The following NCK2 variants were observed in gnomAD, a reference collection of about 807,000 sequenced individuals.
The protein encoded by NCK2 is cytoplasmic protein NCK2.
NCK2 carries 16 observed loss-of-function variants against 33.9 expected under a neutral mutation model. That is an observed-to-expected ratio of 0.47 (90% CI 0.32 to 0.72). The LOEUF is 0.72. NCK2 is among the 30% of genes least tolerant of loss of function. NCK2 has a pLI of 0.03. For missense variants in NCK2, 418 were observed against 537.3 expected, an observed-to-expected ratio of 0.78 and a Z score of 2.19; for synonymous variants, 273 against 239.9, an observed-to-expected ratio of 1.14 and a Z score of -1.27.
chr2:105,748,994 C>T (rs1689372437), intron 1 of NCK2, among the ~76,000 whole-genome samples: 1 of 152,098 alleles, frequency 6.6e-6, no homozygotes, highest in African/African-American at 2.4e-5. Flanking sequence ...CTGTTGGCCT[C>T]TCTATTTGGC....
At position 105,806,955 on chromosome 2, in the gene NCK2, T is replaced by G. The variant is rs1216521642; in HGVS notation, c.-200-9475T>G. 1.3e-5 allele frequency among the ~76,000 whole-genome samples: 2 copies of G among 152,214 alleles called. 1 individual carries two copies. Among genetic ancestry groups the G allele is most frequent in the South Asian group, 4.1e-4 (2 of 4,832 alleles). On this transcript the variant is annotated intron_variant, in intron 1 of 4. Transcript: ENST00000233154. ...GCCCGTGGTCATGGGGTGATCTTAG[T>G]CTTTCTTAGCCCATCCCTTTGTCTA...
intron 4 of NCK2, among the ~76,000 whole-genome samples, chr2:105,884,085 T>G (rs1678619579): frequency 6.6e-6 from 1 of 152,040 alleles, no homozygotes; most frequent in African/African-American, 2.4e-5. Flanking sequence ...GCAAGAGCCC[T>G]GAGGTGTGTG....
chr2:105,836,766 A>G (rs1164900466), intron 2 of NCK2, among the ~76,000 whole-genome samples: 1 of 152,158 alleles, frequency 6.6e-6, no homozygotes, highest in Non-Finnish European at 1.5e-5. Flanking sequence ...AGATGTTGAC[A>G]GGACCCCAGG....
intron 1 of NCK2, among the ~76,000 whole-genome samples, chr2:105,794,835 CG>C (rs1553454634): frequency 6.6e-6 from 1 of 152,028 alleles, no homozygotes; most frequent in Non-Finnish European, 1.5e-5. Flanking sequence ...CTCAGCCTCC[CG>C]AATAGTTTAT....
intron 2 of NCK2, among the ~76,000 whole-genome samples, chr2:105,837,034 T>G (rs562561027): frequency 6.6e-5 from 10 of 152,324 alleles, no homozygotes; most frequent in Admixed American, 2.0e-4. Flanking sequence ...CTTTTTCCTA[T>G]AACAGGGAGT....
intron 3 of NCK2, among the ~76,000 whole-genome samples, chr2:105,871,938 A>G (rs759178783): frequency 6.6e-6 from 1 of 152,188 alleles, no homozygotes; most frequent in Non-Finnish European, 1.5e-5. Flanking sequence ...AGTTTTGGAG[A>G]TGGGCTGAGA....
intron 1 of NCK2, among the ~76,000 whole-genome samples, chr2:105,813,658 G>A (rs1675373144): frequency 6.6e-6 from 1 of 152,236 alleles, no homozygotes; most frequent in South Asian, 2.1e-4. Flanking sequence ...CCTGGGACAA[G>A]TAGTGTGGCC....
chr2:105,819,769 T>G (rs1004233713), intron 2 of NCK2, among the ~76,000 whole-genome samples: 2 of 152,246 alleles, frequency 1.3e-5, no homozygotes, highest in Non-Finnish European at 2.9e-5. Flanking sequence ...CACAAAACCT[T>G]GATTCACCTA....
intron 1 of NCK2, among the ~76,000 whole-genome samples, chr2:105,759,876 A>T (rs1445798498): frequency 6.6e-6 from 1 of 152,034 alleles, no homozygotes; most frequent in Admixed American, 6.5e-5. Flanking sequence ...TTTCATGATT[A>T]GTGTAGAGTT....
At chr2:105,766,774 C>A (rs1689961885) in intron 1 of NCK2, among the ~76,000 whole-genome samples, 1 of 152,202 alleles carries the variant, frequency 6.6e-6, no homozygotes, top group Non-Finnish European at 1.5e-5. Flanking sequence ...CTCGGCTATC[C>A]CTCCATCTTG....
intron 1 of NCK2, among the ~76,000 whole-genome samples, chr2:105,747,975 T>G (rs950192792): frequency 2.6e-5 from 4 of 152,244 alleles, no homozygotes; most frequent in African/African-American, 9.6e-5. Flanking sequence ...TCCTGCATTT[T>G]CCTTTGAACA....
intron 3 of NCK2, among the ~76,000 whole-genome samples, chr2:105,872,934 T>C (rs948775600): frequency 7.9e-5 from 12 of 152,226 alleles, no homozygotes; most frequent in African/African-American, 2.7e-4. Flanking sequence ...TTCCCGGAAG[T>C]GGACATTAGC....
chr2:105,849,531 C>G (rs1280661672), intron 2 of NCK2, among the ~76,000 whole-genome samples: 1 of 152,138 alleles, frequency 6.6e-6, no homozygotes, highest in East Asian at 1.9e-4. Flanking sequence ...CCCATTAAAC[C>G]AGGTGGCTGA....
intron 1 of NCK2, among the ~76,000 whole-genome samples, chr2:105,784,265 G>A (rs776036780): frequency 4.6e-5 from 7 of 152,194 alleles, no homozygotes; most frequent in Non-Finnish European, 4.4e-5. Context: ...CACCACGCCC[G>A]GCTGTTATTT....
chr2:105,794,380 G>A (rs945890770), intron 1 of NCK2, among the ~76,000 whole-genome samples: 1 of 151,970 alleles, frequency 6.6e-6, no homozygotes, highest in Non-Finnish European at 1.5e-5. Flanking sequence ...TTTCCTTTAT[G>A]CTGAAAATCT....
chr2:105,878,875 A>G (rs577554082), intron 3 of NCK2, among the ~76,000 whole-genome samples: 4 of 152,334 alleles, frequency 2.6e-5, no homozygotes, highest in Non-Finnish European at 4.4e-5. Context: ...TATAAGCTCT[A>G]TGCAGGCAGA....
At chr2:105,756,958 A>T (rs1689616031) in intron 1 of NCK2, among the ~76,000 whole-genome samples, 1 of 152,022 alleles carries the variant, frequency 6.6e-6, no homozygotes, top group Non-Finnish European at 1.5e-5. Context: ...GGCATACACC[A>T]CCATGCCCGG....
intron 1 of NCK2, among the ~76,000 whole-genome samples, chr2:105,812,835 C>A (rs1382799853): frequency 6.8e-6 from 1 of 147,864 alleles, no homozygotes; most frequent in African/African-American, 2.5e-5. Flanking sequence ...TTTTTCCCTC[C>A]TGTGCTAACA....
At chr2:105,762,577 G>T (rs945343492) in intron 1 of NCK2, among the ~76,000 whole-genome samples, 38 of 152,026 alleles carry the variant, frequency 2.5e-4, no homozygotes, top group African/African-American at 8.7e-4. Flanking sequence ...CTTTGGGGTG[G>T]GAAAAAACAT....
Sources: gnomAD v4.1 joint callset for allele counts (sites outside exome capture counted in the v4.1 genomes callset) on GRCh38, gnomAD v4.1.1 for gene constraint, MANE v1.5 for transcripts, NCBI Gene and HGNC (gene_info 2026-07-23, HGNC 2026-07-21) for gene names.